Variants in DDC observed in about 807,000 individuals in gnomAD.
The protein encoded by DDC is dopa decarboxylase.
Under a neutral mutation model 60.0 loss-of-function variants are expected in DDC, and 43 were observed. That is an observed-to-expected ratio of 0.72 (90% CI 0.56 to 0.92). The LOEUF (loss-of-function observed/expected upper bound fraction) is 0.92. Ranked by LOEUF, DDC falls within the 40% of genes least tolerant of loss-of-function variation. The probability of loss-of-function intolerance (pLI) is 0.00; values close to 1 mark genes in which losing one functional copy is unlikely to be tolerated. For synonymous variants in DDC, 232 were observed against 234.6 expected, an observed-to-expected ratio of 0.99 and a Z score of 0.10; for missense variants, 573 against 620.2, an observed-to-expected ratio of 0.92 and a Z score of 0.81.
rs530451290 is a variant in DDC, at chr7:50,548,530, C to T, written c.-28-4417G>A. Among the ~76,000 whole-genome samples the T allele has an allele frequency of 3.9e-5, 6 of 152,234 alleles. No individual in the cohort carries two copies. In the South Asian group the frequency reaches 8.3e-4, roughly 21 times the overall value. ...GCCACAACATTTCCTTAAGCCAAAG[C>T]GTAATCCAGAGTAAGGTCTTAACTG... On this transcript the variant is annotated intron_variant, in intron 1 of 14. Transcript: ENST00000444124.
chr7:50,556,989 G>A (rs181222269), intron 1 of DDC, among the ~76,000 whole-genome samples: 58 of 152,284 alleles, frequency 3.8e-4, no homozygotes, highest in Non-Finnish European at 6.9e-4. Flanking sequence ...TTATAAAATG[G>A]GGCCGCAAGC....
At chr7:50,493,559 C>T (rs991733384) in intron 9 of DDC, among the ~76,000 whole-genome samples, 1 of 152,180 alleles carries the variant, frequency 6.6e-6, no homozygotes, top group Admixed American at 6.5e-5. Context: ...ATAAAGGGAC[C>T]TCTGGCACAC....
At chr7:50,475,679 C>T (rs1035261361) in intron 11 of DDC, among the ~76,000 whole-genome samples, 1 of 139,216 alleles carries the variant, frequency 7.2e-6, no homozygotes, top group African/African-American at 2.7e-5. Context: ...GCCCACCACA[C>T]GTGGACACAG....
At position 50,499,170 on chromosome 7, in the gene DDC, C is replaced by G. The variant is rs573103547; in HGVS notation, c.854G>C (p.Arg285Pro). 1.2e-6 allele frequency: 2 copies of G among 1,613,852 alleles called. No individual in the cohort carries two copies. Among genetic ancestry groups the G allele is most frequent in the Non-Finnish European group, 1.7e-6 (2 of 1,179,872 alleles). The change falls in exon 8 of 15, where the codon CGG becomes CCG. Residue 285 changes from arginine (R) to proline (P), a missense_variant. Physicochemically the swap from Arg to Pro is moderately radical, Grantham distance 103. Transcript: ENST00000444124. ...AGSAFICPEF[R>P]HLLNGVEFAD... ...TACCTCCACTCCATTCAGAAGGTGCCGGAACTCAGGGCAGATGAATGCACT... is the reference window on the plus strand; with the variant it reads ...TACCTCCACTCCATTCAGAAGGTGCGGGAACTCAGGGCAGATGAATGCACT...
intron 9 of DDC, among the ~76,000 whole-genome samples, chr7:50,481,966 C>T (rs909827814): frequency 3.3e-5 from 5 of 152,176 alleles, no homozygotes; most frequent in African/African-American, 9.7e-5. Flanking sequence ...TGCACATATC[C>T]CAATCCATTC....
intron 9 of DDC, chr7:50,492,608 C>G: frequency 2.1e-6 from 2 of 948,358 alleles, no homozygotes; most frequent in Non-Finnish European, 2.7e-6. Context: ...CATCACCCTT[C>G]TCTTGTGGCA....
At chr7:50,542,056 C>G (rs544032121) in intron 2 of DDC, among the ~76,000 whole-genome samples, 32 of 152,192 alleles carry the variant, frequency 2.1e-4, no homozygotes, top group Non-Finnish European at 4.3e-4. Flanking sequence ...AGGAGCTGCA[C>G]AGGCTGTGAT....
intron 4 of DDC, among the ~76,000 whole-genome samples, chr7:50,535,689 T>C (rs1477796028): frequency 3.9e-5 from 6 of 152,206 alleles, no homozygotes. Flanking sequence ...TACAAGCAAG[T>C]TCCCTCCATG....
At chr7:50,528,111 G>A in intron 6 of DDC, 26 bp downstream of exon 6, 9 of 1,611,420 alleles carry the variant, frequency 5.6e-6, no homozygotes, top group Non-Finnish European at 7.6e-6. Context: ...TTATTGGCCA[G>A]GAGCCACAAG....
intron 6 of DDC, among the ~76,000 whole-genome samples, chr7:50,509,236 T>C (rs1483229613): frequency 6.6e-6 from 1 of 152,160 alleles, no homozygotes; most frequent in East Asian, 1.9e-4. Flanking sequence ...TCTGATCCGA[T>C]ACCTACAATT....
In DDC at chr7:50,498,883, T is replaced by C. The variant is rs1163754380; in HGVS notation, c.876+265A>G. Reference sequence around the variant, plus strand: ...TATTTTGTTCCTACTTTCCCACAGTTTTATAAGCTAACATTTATTCTTTCT... The same window carrying C: ...TATTTTGTTCCTACTTTCCCACAGTCTTATAAGCTAACATTTATTCTTTCT... On this transcript the variant is annotated intron_variant, in intron 8 of 14. Transcript: ENST00000444124. Among the ~76,000 whole-genome samples, 3 of 152,240 alleles carry C rather than the reference T, an allele frequency of 2.0e-5. No homozygotes were observed. The East Asian group carries it at 5.8e-4, about 29-fold the overall frequency.
intron 14 of DDC, among the ~76,000 whole-genome samples, chr7:50,460,572 G>C (rs1402331363): frequency 9.9e-5 from 15 of 151,600 alleles, no homozygotes; most frequent in African/African-American, 3.7e-4. Context: ...ATTGAGAACG[G>C]GCCATGATGA....
intron 9 of DDC, among the ~76,000 whole-genome samples, chr7:50,488,153 A>T (rs1252943743): frequency 6.6e-6 from 1 of 152,082 alleles, no homozygotes; most frequent in Non-Finnish European, 1.5e-5. Flanking sequence ...TCTATTAAAA[A>T]ATTAATTAGA....
chr7:50,481,313 T>G (rs1015776285), intron 9 of DDC, among the ~76,000 whole-genome samples: 2 of 152,214 alleles, frequency 1.3e-5, no homozygotes. Flanking sequence ...TAATTTTTTG[T>G]GTGTATAGGA....
intron 12 of DDC, among the ~76,000 whole-genome samples, chr7:50,469,064 C>T (rs536240417): frequency 3.3e-5 from 5 of 151,208 alleles, no homozygotes; most frequent in East Asian, 3.9e-4. Context: ...CTCAGCCTCC[C>T]GAGTAGCTGG....
At chr7:50,497,852 T>G (rs1300741513) in intron 8 of DDC, among the ~76,000 whole-genome samples, 1 of 152,192 alleles carries the variant, frequency 6.6e-6, no homozygotes, top group Non-Finnish European at 1.5e-5. Flanking sequence ...GAATACTACT[T>G]CATTGATTAG....
In DDC at chr7:50,502,993, C is replaced by A. The variant is rs2043296990; in HGVS notation, c.781+1000G>T. 2.0e-5 allele frequency among the ~76,000 whole-genome samples: 3 copies of A among 152,242 alleles called. No homozygotes were observed. In the South Asian group the frequency reaches 6.2e-4, roughly 31 times the overall value. The stretch of plus-strand genomic sequence containing the variant: ...AGGCACCTGCACCTTCAGCACCGGC[C>A]TTCCCCAGCTGCTGACCCCAAGAAG... On this transcript the variant is annotated intron_variant, in intron 7 of 14. Transcript: ENST00000444124.
chr7:50,467,141 T>C, intron 13 of DDC, 73 bp downstream of exon 13: 1 of 1,309,604 alleles, frequency 7.6e-7, no homozygotes, highest in Non-Finnish European at 1.1e-6. Flanking sequence ...TGTTTGAGCA[T>C]GGAGGTAATG....
chr7:50,511,108 TAGG>T (rs1254445723), intron 6 of DDC, among the ~76,000 whole-genome samples: 18 of 147,958 alleles, frequency 1.2e-4, no homozygotes, highest in Non-Finnish European at 2.4e-4. Flanking sequence ...ATTTATTTAA[TAGG>T]AGTTCATAAA....
Sources: gnomAD v4.1 joint callset for allele counts (sites outside exome capture counted in the v4.1 genomes callset) on GRCh38, gnomAD v4.1.1 for gene constraint, MANE v1.5 for transcripts, NCBI Gene and HGNC (gene_info 2026-07-23, HGNC 2026-07-21) for gene names.